CEP350: variants seen among roughly 807,000 people sequenced by gnomAD.
CEP350 encodes centrosomal protein 350.
In CEP350, 126 loss-of-function variants were observed where a neutral mutation model predicts 331.8. The ratio of observed to expected loss-of-function variants is 0.38; its 90% confidence interval spans 0.33 to 0.44. CEP350 has a LOEUF of 0.44. Among genes scored for constraint, CEP350 ranks in the 20% least tolerant of loss-of-function variants. The pLI, the probability that CEP350 is intolerant of heterozygous loss-of-function variation, is 1.00. For synonymous variants in CEP350, 1,200 were observed against 1,259.5 expected, an observed-to-expected ratio of 0.95 and a Z score of 1.00; for missense variants, 3,406 against 3,634.6, an observed-to-expected ratio of 0.94 and a Z score of 1.62.
In CEP350 at chr1:180,041,672, A is replaced by T; in HGVS notation, c.4232A>T (p.Glu1411Val). The T allele has an allele frequency of 6.2e-7, 1 of 1,613,612 alleles. No individual in the cohort carries two copies. Residue 1411 changes from glutamate to valine, a missense_variant, in exon 19 of 38, where the codon GAA (glutamate) becomes GTA (valine). Glu to Val is a moderately radical substitution (Grantham distance 121, BLOSUM62 -2). Around this residue, in one of 5 missense-constraint regions of CEP350, gnomAD observed 1,857 missense variants for 1,909.2 expected, o/e 0.97. Coordinates refer to ENST00000367607, the MANE Select transcript of CEP350 (RefSeq NM_014810.5). The part of the protein sequence containing the change: ...TRNKAAQVHA[E>V]SLQQVVQSQR... The stretch of plus-strand genomic sequence containing the variant: ...CCCTTTTATTTAAAGGTCCATGCAG[A>T]ATCATTACAGCAGGTGGTTCAATCA...
chr1:180,096,859 C>T (rs970610031), intron 36 of CEP350, among the ~76,000 whole-genome samples: 8 of 152,178 alleles, frequency 5.3e-5, no homozygotes, highest in Non-Finnish European at 1.2e-4. Flanking sequence ...TGATTCTCAA[C>T]TTTTAATGTG....
intron 25 of CEP350, among the ~76,000 whole-genome samples, chr1:180,057,587 G>A (rs1395956298): frequency 6.7e-6 from 1 of 150,368 alleles, no homozygotes; most frequent in Non-Finnish European, 1.5e-5. Context: ...TTGAATACTA[G>A]TCACAGTTAT....
chr1:180,070,919 G>A (rs1159769678), intron 27 of CEP350, among the ~76,000 whole-genome samples: 5 of 152,126 alleles, frequency 3.3e-5, no homozygotes, highest in African/African-American at 4.8e-5. Flanking sequence ...GGAGGCCGAG[G>A]TGGGCAGAAC....
Position 180,095,547 on chromosome 1 carries a change from G to A in CEP350, c.8536G>A (p.Gly2846Arg), listed in dbSNP as rs1226835217. 3.1e-6 allele frequency: 5 copies of A among 1,613,696 alleles called. No homozygotes were observed. The highest frequency in any genetic ancestry group is 4.2e-6 in the Non-Finnish European group (5 of 1,179,808). ...RPESPVFGAS[G>R]QEELAKRLAE... ...GGAGAGCCCAGTATTTGGTGCCAGT[G>A]GGCAGGAAGAACTTGCTAAGAGACT... Residue 2846 changes from glycine (G) to arginine (R), a missense_variant, in exon 35 of 38, where the codon GGG becomes AGG. This residue lies in a region of CEP350 where 1,415 missense variants were observed against 1,512.3 expected (regional missense o/e 0.94). Coordinates refer to ENST00000367607, the MANE Select transcript of CEP350 (RefSeq NM_014810.5).
intron 1 of CEP350, among the ~76,000 whole-genome samples, chr1:179,970,475 T>G (rs1011618419): frequency 6.6e-6 from 1 of 151,858 alleles, no homozygotes; most frequent in Non-Finnish European, 1.5e-5. Context: ...AATTTACCAT[T>G]TGTCCATTTT....
rs982469228 is a variant in CEP350 at position 180,027,547 on chromosome 1, G to T, written c.3550+2965G>T. Among the ~76,000 whole-genome samples, 10 of 151,978 alleles carry T rather than the reference G, an allele frequency of 6.6e-5. No individual in the cohort carries two copies. The East Asian group carries it at 1.9e-3, about 29-fold the overall frequency. On this transcript the variant is annotated intron_variant, in intron 14 of 37. Transcript: ENST00000367607. ...CTACAGGCACACAACACCCCACCTG[G>T]CTAATTTTTCTATTTTTTTGTAGGG...
intron 21 of CEP350, among the ~76,000 whole-genome samples, chr1:180,045,943 G>T (rs148083946): frequency 6.6e-6 from 1 of 152,238 alleles, no homozygotes; most frequent in Non-Finnish European, 1.5e-5. Flanking sequence ...TTCTCTAGAA[G>T]AACCATGCTC....
At chr1:180,047,375 G>A (rs1657188443) in intron 21 of CEP350, among the ~76,000 whole-genome samples, 1 of 152,074 alleles carries the variant, frequency 6.6e-6, no homozygotes, top group Non-Finnish European at 1.5e-5. Flanking sequence ...CAAGGGAAGG[G>A]CAAAGATAAT....
intron 31 of CEP350, among the ~76,000 whole-genome samples, chr1:180,084,478 C>T (rs1659742504): frequency 6.6e-6 from 1 of 152,134 alleles, no homozygotes; most frequent in South Asian, 2.1e-4. Flanking sequence ...CATTCTCCTG[C>T]CTCAGCCCCC....
intron 8 of CEP350, among the ~76,000 whole-genome samples, chr1:180,010,761 C>T (rs2148793427): frequency 6.6e-6 from 1 of 151,910 alleles, no homozygotes; most frequent in South Asian, 2.1e-4. Context: ...ATCACTGTAC[C>T]CAGCTAATTT....
intron 25 of CEP350, among the ~76,000 whole-genome samples, chr1:180,058,836 A>G (rs1360986806): frequency 2.6e-5 from 4 of 152,192 alleles, no homozygotes; most frequent in Non-Finnish European, 5.9e-5. Context: ...ATTTCTTGCA[A>G]CTGTAGCAGT....
chr1:180,062,395 C>A, intron 26 of CEP350, 29 bp downstream of exon 26: 1 of 1,556,572 alleles, frequency 6.4e-7, no homozygotes, highest in Non-Finnish European at 8.7e-7. Context: ...TTATTTGTTT[C>A]CTGTCTTATT....
At chr1:180,085,708 C>G (rs1659822987) in intron 31 of CEP350, 1 of 152,158 alleles carries the variant, frequency 6.6e-6, no homozygotes, top group Non-Finnish European at 1.5e-5. Flanking sequence ...AATTGGTTTC[C>G]TTGTTAGACT....
At chr1:180,046,236 A>G (rs566938484) in intron 21 of CEP350, among the ~76,000 whole-genome samples, 1 of 152,112 alleles carries the variant, frequency 6.6e-6, no homozygotes, top group Non-Finnish European at 1.5e-5. Context: ...ATTAGCAGTT[A>G]CTCCCTATAC....
intron 28 of CEP350, among the ~76,000 whole-genome samples, chr1:180,075,977 TA>T (rs1659203175): frequency 6.6e-6 from 1 of 151,858 alleles, no homozygotes; most frequent in Non-Finnish European, 1.5e-5. Context: ...AAAATTGTAA[TA>T]ACTTTATTCC....
intron 1 of CEP350, among the ~76,000 whole-genome samples, chr1:179,974,525 A>G (rs2148613812): frequency 6.6e-6 from 1 of 152,322 alleles, no homozygotes; most frequent in South Asian, 2.1e-4. Flanking sequence ...ACTGATACAT[A>G]TATGCTATTT....
intron 32 of CEP350, among the ~76,000 whole-genome samples, chr1:180,088,680 C>A (rs2149112721): frequency 6.6e-6 from 1 of 152,266 alleles, no homozygotes; most frequent in African/African-American, 2.4e-5. Context: ...AATCCTGGCT[C>A]CAGTTCTAGC....
chr1:180,016,660 G>GTTTTTTTTTT (rs10660202), intron 11 of CEP350, among the ~76,000 whole-genome samples: 2 of 128,288 alleles, frequency 1.6e-5, no homozygotes, highest in Non-Finnish European at 3.2e-5. Flanking sequence ...TTTGGGTTAT[G>GTTTTTTTTTT]TTTTTTTTTT....
chr1:179,965,516 T>C (rs1650936128), intron 1 of CEP350, among the ~76,000 whole-genome samples: 1 of 152,066 alleles, frequency 6.6e-6, no homozygotes, highest in South Asian at 2.1e-4. Flanking sequence ...ATCTCCTTTA[T>C]AGATGTAAAT....
Sources: allele counts gnomAD v4.1 joint callset (sites outside exome capture counted in the v4.1 genomes callset), GRCh38; gene constraint gnomAD v4.1.1; regional missense constraint gnomAD v4.1.1; transcripts MANE v1.5; gene names NCBI Gene and HGNC (gene_info 2026-07-23, HGNC 2026-07-21).